NUP42: variants seen among roughly 807,000 people sequenced by gnomAD.
NUP42 encodes nucleoporin NUP42.
A neutral mutation model predicts 35.9 loss-of-function variants in NUP42; 47 were observed. The ratio of observed to expected loss-of-function variants is 1.31; its 90% CI spans 1.04 to 1.67. NUP42 has a LOEUF of 1.67. Among genes scored for constraint, NUP42 ranks in the 40% most tolerant of loss-of-function variants. The pLI is 0.00. For missense variants in NUP42, 514 were observed against 492.2 expected, an observed-to-expected ratio of 1.04 and a Z score of -0.42; for synonymous variants, 173 against 173.3, an observed-to-expected ratio of 1.00 and a Z score of 0.01.
At chr7:23,183,988 T>C (rs890571568) in intron 1 of NUP42, among the ~76,000 whole-genome samples, 1 of 151,692 alleles carries the variant, frequency 6.6e-6, no homozygotes, top group Non-Finnish European at 1.5e-5. Flanking sequence ...ATGGCTTATC[T>C]CTTTATTCAG....
intron 3 of NUP42, 83 bp downstream of exon 3, chr7:23,187,229 A>G: frequency 1.1e-6 from 1 of 893,684 alleles, no homozygotes; most frequent in Non-Finnish European, 1.8e-6. Context: ...TAAAGAAATC[A>G]ACTACCAACT....
intron 3 of NUP42, chr7:23,187,404 C>A: frequency 3.6e-6 from 1 of 276,952 alleles, no homozygotes; most frequent in Non-Finnish European, 6.7e-6. Flanking sequence ...GTTCTTGATT[C>A]CCTGTATGTA....
intron 3 of NUP42, among the ~76,000 whole-genome samples, chr7:23,192,458 A>G (rs1227910814): frequency 6.6e-6 from 1 of 151,202 alleles, no homozygotes; most frequent in Non-Finnish European, 1.5e-5. Context: ...GAGGCAGGAG[A>G]ATTGCCTGAA....
At chr7:23,193,996 G>C (rs1018654538) in intron 3 of NUP42, among the ~76,000 whole-genome samples, 1 of 152,234 alleles carries the variant, frequency 6.6e-6, no homozygotes, top group African/African-American at 2.4e-5. Flanking sequence ...CTCATTGCCC[G>C]GCAGGGCCAG....
At chr7:23,191,376 T>C (rs548211371) in intron 3 of NUP42, among the ~76,000 whole-genome samples, 11 of 152,232 alleles carry the variant, frequency 7.2e-5, no homozygotes, top group African/African-American at 2.6e-4. Flanking sequence ...TTGCTGCTTG[T>C]GACTAGAGTT....
chr7:23,196,905 C>T (rs755313818), intron 5 of NUP42, 139 bp downstream of exon 5: 29 of 650,936 alleles, frequency 4.5e-5, no homozygotes, highest in Non-Finnish European at 7.6e-5. Context: ...AATAGCATCA[C>T]TTAAGAGTCA....
At chr7:23,192,546 C>CAAAA (rs200047613) in intron 3 of NUP42, among the ~76,000 whole-genome samples, 672 of 65,292 alleles carry the variant, frequency 0.01, 2 homozygotes, top group Non-Finnish European at 0.017. Context: ...GACTTCATCT[C>CAAAA]AAAAAAAAAA....
intron 3 of NUP42, among the ~76,000 whole-genome samples, chr7:23,189,403 C>T (rs1785712183): frequency 6.6e-6 from 1 of 150,478 alleles, no homozygotes; most frequent in South Asian, 2.1e-4. Flanking sequence ...TGGCTTGAAG[C>T]CAGGGGTTTG....
At chr7:23,195,800 G>T in intron 3 of NUP42, 39 bp from the exon 4 acceptor site, 5 of 1,289,632 alleles carry the variant, frequency 3.9e-6, no homozygotes, top group East Asian at 4.7e-5. Context: ...AAAATTATTG[G>T]CATTTATTTT....
In NUP42 at chr7:23,182,208, T is replaced by C; in HGVS notation, c.121+2T>C. ...AGCAACCGCAGCAGCAGCCTTCAGG[T>C]GACTCTCCTCTGAATCCTCCGCGGT... On this transcript the variant is annotated splice_donor_variant, in intron 1 of 6. Coordinates refer to ENST00000258742, the MANE Select transcript of NUP42 (RefSeq NM_007342.3). LOFTEE classifies it high-confidence loss of function. 1.2e-6 allele frequency: 2 copies of C among 1,604,868 alleles called. No individual in the cohort carries two copies. The highest frequency in any genetic ancestry group is 8.5e-7 in the Non-Finnish European group (1 of 1,175,262).
intron 3 of NUP42, among the ~76,000 whole-genome samples, chr7:23,188,804 A>G (rs903754508): frequency 6.6e-6 from 1 of 152,174 alleles, no homozygotes; most frequent in Non-Finnish European, 1.5e-5. Flanking sequence ...ATTAATTGCC[A>G]TTTTTCACTG....
chr7:23,182,129 G>T lies in NUP42; in HGVS notation c.44G>T (p.Gly15Val), dbSNP rs1186817259. Residue 15 changes from glycine to valine, a missense_variant, in exon 1 of 7, where the codon GGA becomes GTA. Physicochemically the swap from Gly to Val is moderately radical, Grantham distance 109. Coordinates refer to ENST00000258742, the MANE Select transcript of NUP42 (RefSeq NM_007342.3). ...TTCCTTCAAGGCCGGTGCCGCTTTG[G>T]AGATCGGTGCTGGAACGAACATCCC... ...QFFLQGRCRF[G>V]DRCWNEHPGA... 6.2e-7 allele frequency: 1 copy of T among 1,614,204 alleles called. No individual in the cohort carries two copies. Among genetic ancestry groups the T allele is most frequent in the East Asian group, 2.2e-5 (1 of 44,892 alleles).
At chr7:23,192,389 C>CA (rs1328829673) in intron 3 of NUP42, among the ~76,000 whole-genome samples, 2 of 150,964 alleles carry the variant, frequency 1.3e-5, no homozygotes, top group East Asian at 1.9e-4. Flanking sequence ...ACTAAAAATA[C>CA]AAAAAAAATT....
At chr7:23,194,124 C>T (rs972617402) in intron 3 of NUP42, among the ~76,000 whole-genome samples, 2 of 152,194 alleles carry the variant, frequency 1.3e-5, no homozygotes, top group Admixed American at 6.5e-5. Context: ...CACCTCCCTG[C>T]AAGCTGAGGG....
In NUP42 at chr7:23,199,310, C is replaced by T. The variant is rs549421482; in HGVS notation, c.610-148C>T. 8.7e-5 allele frequency: 54 copies of T among 620,492 alleles called. 1 individual carries two copies. Among genetic ancestry groups the T allele is most frequent in the African/African-American group, 6.5e-4 (35 of 54,142 alleles). The allele number at this position is 620,492 out of a possible 1,614,324, so 38.4% of individuals were successfully genotyped here. On this transcript the variant is annotated intron_variant, in intron 5 of 6. Transcript: ENST00000258742. ...CAAGCCCTTCACCCTCCTCAGCCTC[C>T]CAAAGTGCTAGGATTACAGGTGTGA...
At chr7:23,187,182 T>G in intron 3 of NUP42, 36 bp downstream of exon 3, 2 of 1,378,068 alleles carry the variant, frequency 1.5e-6, no homozygotes, top group Non-Finnish European at 2.0e-6. Flanking sequence ...AAGTATGTTC[T>G]AAAACTATTA....
chr7:23,184,909 G>A (rs913435766), intron 1 of NUP42, among the ~76,000 whole-genome samples, 161 bp from the exon 2 acceptor site: 66 of 152,186 alleles, frequency 4.3e-4, no homozygotes, highest in African/African-American at 1.5e-3. Context: ...AGGAGGCTGA[G>A]GTGGGAGGAT....
In NUP42 at chr7:23,185,097, C is replaced by G; in HGVS notation, c.149C>G (p.Thr50Ser). The G allele has an allele frequency of 6.2e-7, 1 of 1,614,056 alleles. No individual in the cohort carries two copies. Among genetic ancestry groups the G allele is most frequent in the Non-Finnish European group, 8.5e-7 (1 of 1,179,972 alleles). ...AATAATAGACGTGGATGGAATACAA[C>G]TAGCCAGAGATATTCCAATGTCATC... Reference protein sequence around the residue: ...SGNNRRGWNTTSQRYSNVIQP... With the variant: ...SGNNRRGWNTSSQRYSNVIQP... Residue 50 changes from threonine to serine, a missense_variant, in exon 2 of 7, where the codon ACT becomes AGT. Coordinates refer to ENST00000258742, the MANE Select transcript of NUP42 (RefSeq NM_007342.3).
At chr7:23,183,611 T>C (rs1370881545) in intron 1 of NUP42, among the ~76,000 whole-genome samples, 2 of 152,048 alleles carry the variant, frequency 1.3e-5, no homozygotes, top group Non-Finnish European at 2.9e-5. Context: ...CCACAATTAA[T>C]CTAGTGAAAT....
Sources: allele counts gnomAD v4.1 joint callset (sites outside exome capture counted in the v4.1 genomes callset), GRCh38; gene constraint gnomAD v4.1.1; transcripts MANE v1.5; gene names NCBI Gene and HGNC (gene_info 2026-07-23, HGNC 2026-07-21).